ZMYM2: variants seen among roughly 807,000 people sequenced by gnomAD.
The protein encoded by ZMYM2 is zinc finger MYM-type containing 2, also known as zinc finger MYM-type protein 2.
ZMYM2 carries 56 observed loss-of-function variants against 162.8 expected under a neutral mutation model. The ratio of observed to expected loss-of-function variants is 0.34; its 90% CI spans 0.28 to 0.43. The LOEUF (loss-of-function observed/expected upper bound fraction) is 0.43, where lower values mean the gene tolerates loss of function less well. Among genes scored for constraint, ZMYM2 ranks in the 20% least tolerant of loss-of-function variants. The pLI is 1.00. For synonymous variants in ZMYM2, 510 were observed against 541.6 expected, an observed-to-expected ratio of 0.94 and a Z score of 0.81; for missense variants, 1,275 against 1,621.8, an observed-to-expected ratio of 0.79 and a Z score of 3.67.
chr13:20,080,048 T>C (rs1325396455), intron 21 of ZMYM2, among the ~76,000 whole-genome samples: 3 of 152,224 alleles, frequency 2.0e-5, no homozygotes, highest in Admixed American at 2.0e-4. Flanking sequence ...TCCCGTTAAA[T>C]AGCTGGAATC....
chr13:20,040,431 A>G (rs1184394110), intron 12 of ZMYM2, among the ~76,000 whole-genome samples: 2 of 151,988 alleles, frequency 1.3e-5, no homozygotes, highest in African/African-American at 4.8e-5. Context: ...GGTAGTGGTA[A>G]TAATATCCCC....
chr13:19,985,133 G>T (rs1223478659), intron 2 of ZMYM2, among the ~76,000 whole-genome samples: 1 of 152,066 alleles, frequency 6.6e-6, no homozygotes, highest in Admixed American at 6.6e-5. Context: ...TGTGTTTTTT[G>T]TTGTTGTTGA....
chr13:19,981,443 C>G (rs1478193752), intron 2 of ZMYM2, among the ~76,000 whole-genome samples: 2 of 152,170 alleles, frequency 1.3e-5, no homozygotes, highest in African/African-American at 4.8e-5. Flanking sequence ...CCTTTTAACT[C>G]CATTAGTCTT....
At chr13:19,991,079 CTGTG>C (rs56666919) in intron 2 of ZMYM2, among the ~76,000 whole-genome samples, 631 of 59,934 alleles carry the variant, frequency 0.011, 4 homozygotes, top group African/African-American at 0.017. Context: ...TATGTATTTT[CTGTG>C]TGTGTGTGTG....
chr13:19,980,917 T>C (rs1957262631), intron 2 of ZMYM2, among the ~76,000 whole-genome samples: 1 of 152,100 alleles, frequency 6.6e-6, no homozygotes, highest in African/African-American at 2.4e-5. Context: ...TGTTATTGAA[T>C]CTTGCTTTGG....
chr13:20,072,532 A>C (rs1957163100), intron 21 of ZMYM2, among the ~76,000 whole-genome samples: 1 of 152,164 alleles, frequency 6.6e-6, no homozygotes, highest in African/African-American at 2.4e-5. Flanking sequence ...AAAAATAAAT[A>C]AATAAATAAT....
chr13:20,040,890 A>G (rs1182308863), intron 12 of ZMYM2, among the ~76,000 whole-genome samples: 2 of 152,214 alleles, frequency 1.3e-5, no homozygotes, highest in Admixed American at 6.5e-5. Flanking sequence ...AGGTTATTCA[A>G]TTCCCATGTA....
chr13:19,977,583 C>G (rs942152807), intron 2 of ZMYM2, among the ~76,000 whole-genome samples: 1 of 150,620 alleles, frequency 6.6e-6, no homozygotes, highest in Non-Finnish European at 1.5e-5. Context: ...AGCCCTGCCT[C>G]CCGGGTTCAC....
At chr13:19,972,522 G>A (rs1018445936) in intron 2 of ZMYM2, among the ~76,000 whole-genome samples, 4 of 151,854 alleles carry the variant, frequency 2.6e-5, no homozygotes, top group Non-Finnish European at 5.9e-5. Flanking sequence ...AATACAGAAA[G>A]ATCTCCATTT....
chr13:19,961,597 A>T (rs1454026782), intron 2 of ZMYM2, among the ~76,000 whole-genome samples: 3 of 152,130 alleles, frequency 2.0e-5, no homozygotes. Flanking sequence ...AGTTATGTTG[A>T]TAGGGGAAGC....
intron 2 of ZMYM2, among the ~76,000 whole-genome samples, chr13:19,975,861 A>AATGTATGT (rs71070281): frequency 0.3 from 43,797 of 146,736 alleles, 7,191 homozygotes; most frequent in East Asian, 0.36. Context: ...CCATTTTTAA[A>AATGTATGT]ATGTATGTAT....
chr13:19,939,975 G>T, the ZMYM2 span, among the ~76,000 whole-genome samples: 1 of 152,154 alleles, frequency 6.6e-6, no homozygotes, highest in East Asian at 1.9e-4. Context: ...TACCGATCTG[G>T]AACAATGTCG....
chr13:19,878,345 A>C, the ZMYM2 span, among the ~76,000 whole-genome samples: 1 of 151,752 alleles, frequency 6.6e-6, no homozygotes, highest in Admixed American at 6.6e-5. Flanking sequence ...AAGCCACTAC[A>C]CCTGGCCGGT....
the ZMYM2 span, chr13:19,865,169 G>A: frequency 6.6e-6 from 1 of 152,242 alleles, no homozygotes; most frequent in African/African-American, 2.4e-5. Flanking sequence ...GGCCACATTG[G>A]AAGAATTGGC....
chr13:19,887,707 T>G, the ZMYM2 span, among the ~76,000 whole-genome samples: 1 of 151,920 alleles, frequency 6.6e-6, no homozygotes, highest in Admixed American at 6.6e-5. Flanking sequence ...AATGAAGAGA[T>G]TATTTTCTTG....
the ZMYM2 span, among the ~76,000 whole-genome samples, chr13:19,897,885 C>G: frequency 1.3e-5 from 2 of 152,026 alleles, no homozygotes; most frequent in East Asian, 3.9e-4. Context: ...AGAAAAAGCT[C>G]AACAGTAATT....
the ZMYM2 span, among the ~76,000 whole-genome samples, chr13:19,942,185 C>T: frequency 2.0e-5 from 3 of 151,946 alleles, no homozygotes; most frequent in African/African-American, 7.3e-5. Flanking sequence ...AAGAAATTTT[C>T]AACACAGCTT....
At chr13:19,980,467 C>T (rs978408130) in intron 2 of ZMYM2, among the ~76,000 whole-genome samples, 24 of 151,706 alleles carry the variant, frequency 1.6e-4, no homozygotes, top group Admixed American at 3.9e-4. Flanking sequence ...TTTTCCTGTT[C>T]TTGGCTGGGC....
the ZMYM2 span, among the ~76,000 whole-genome samples, chr13:19,925,408 C>A: frequency 6.6e-6 from 1 of 151,898 alleles, no homozygotes; most frequent in Non-Finnish European, 1.5e-5. Flanking sequence ...GCTTTTTTCC[C>A]TTAAATGTAT....
Sources: allele counts gnomAD v4.1 joint callset (sites outside exome capture counted in the v4.1 genomes callset), GRCh38; gene constraint gnomAD v4.1.1; transcripts MANE v1.5; gene names NCBI Gene and HGNC (gene_info 2026-07-23, HGNC 2026-07-21).